Variants in CCDC102B observed in about 807,000 individuals in gnomAD.
CCDC102B encodes the protein coiled-coil domain-containing protein 102B.
A neutral mutation model predicts 57.4 loss-of-function variants in CCDC102B; 75 were observed. The ratio of observed to expected loss-of-function variants is 1.31; its 90% CI spans 1.08 to 1.58. The LOEUF is 1.58. CCDC102B is among the 40% of genes most tolerant of loss of function. The probability of loss-of-function intolerance (pLI) is 0.00; values close to 1 mark genes in which losing one functional copy is unlikely to be tolerated. For synonymous variants in CCDC102B, 206 were observed against 201.9 expected (o/e 1.02, Z -0.17); for missense variants, 636 against 582.6 (o/e 1.09, Z -0.94).
At chr18:68,725,473 C>T (rs953443340) in intron 2 of CCDC102B, among the ~76,000 whole-genome samples, 1 of 152,212 alleles carries the variant, frequency 6.6e-6, no homozygotes, top group African/African-American at 2.4e-5. Flanking sequence ...TTCCAGGCTT[C>T]TAACGTTGCT....
At chr18:68,733,506 ATT>A (rs36101856) in intron 2 of CCDC102B, among the ~76,000 whole-genome samples, 44,443 of 87,280 alleles carry the variant, frequency 0.51, 8,760 homozygotes, top group South Asian at 0.61. Context: ...ATATATATAT[ATT>A]TTTTTAACTT....
chr18:68,968,072 C>G (rs1339160562), intron 6 of CCDC102B, among the ~76,000 whole-genome samples: 1 of 152,146 alleles, frequency 6.6e-6, no homozygotes, highest in South Asian at 2.1e-4. Flanking sequence ...AGAACTAATT[C>G]CAATAATAAT....
intron 6 of CCDC102B, among the ~76,000 whole-genome samples, chr18:68,988,446 C>A (rs978074778): frequency 6.6e-6 from 1 of 151,682 alleles, no homozygotes; most frequent in Non-Finnish European, 1.5e-5. Flanking sequence ...GAGTACTATT[C>A]TCACTACTTC....
intron 1 of CCDC102B, among the ~76,000 whole-genome samples, chr18:68,801,970 C>T (rs1166005045): frequency 6.6e-6 from 1 of 152,062 alleles, no homozygotes; most frequent in Non-Finnish European, 1.5e-5. Flanking sequence ...GGGTTTTGAA[C>T]AAGCGTTTCT....
rs561922856 is a variant in CCDC102B at position 68,802,488 on chromosome 18, G to C, written c.-16+4307G>C. ...TATGTTTTTATATTTTATGTTTTTG[G>C]TATCAGGACTAAATAAATTTGACCT... On this transcript the variant is annotated intron_variant, in intron 1 of 7. Coordinates refer to ENST00000360242, the MANE Select transcript of CCDC102B (RefSeq NM_024781.3). Among the ~76,000 whole-genome samples, 30 of 152,248 alleles carry C rather than the reference G, an allele frequency of 2.0e-4. No individual in the cohort carries two copies. The South Asian group carries it at 6.2e-3, about 32-fold the overall frequency.
At chr18:68,963,487 A>G (rs574314019) in intron 6 of CCDC102B, among the ~76,000 whole-genome samples, 2 of 151,918 alleles carry the variant, frequency 1.3e-5, no homozygotes, top group African/African-American at 4.8e-5. Context: ...TAAATTTAAC[A>G]TATACTTACA....
intron 1 of CCDC102B, among the ~76,000 whole-genome samples, chr18:68,828,261 T>C (rs571428243): frequency 7.3e-6 from 1 of 137,832 alleles, no homozygotes; most frequent in Non-Finnish European, 1.5e-5. Context: ...CACCATACAA[T>C]TGCAGAATAT....
chr18:68,750,666 G>A (rs1187398431), intron 2 of CCDC102B, among the ~76,000 whole-genome samples: 1 of 151,978 alleles, frequency 6.6e-6, no homozygotes, highest in Non-Finnish European at 1.5e-5. Context: ...GATGAAGCTA[G>A]AAACCATCAT....
At chr18:68,959,959 C>T (rs2050004841) in intron 6 of CCDC102B, among the ~76,000 whole-genome samples, 1 of 152,096 alleles carries the variant, frequency 6.6e-6, no homozygotes, top group Admixed American at 6.6e-5. Context: ...TCAGGTACCC[C>T]AGGCACCTAC....
At chr18:68,776,866 C>G (rs937816874) in intron 2 of CCDC102B, among the ~76,000 whole-genome samples, 7 of 152,136 alleles carry the variant, frequency 4.6e-5, no homozygotes, top group African/African-American at 1.7e-4. Context: ...TCTGGTTAGT[C>G]TCAAAGAATT....
chr18:68,728,750 CA>C (rs1018625070), intron 2 of CCDC102B, among the ~76,000 whole-genome samples: 9 of 150,892 alleles, frequency 6.0e-5, no homozygotes, highest in South Asian at 2.1e-4. Flanking sequence ...AAGAGTAAGA[CA>C]AAAAAAATAG....
At chr18:69,050,933 G>C (rs79819013) in intron 7 of CCDC102B, among the ~76,000 whole-genome samples, 1,892 of 152,214 alleles carry the variant, frequency 0.012, 49 homozygotes, top group African/African-American at 0.043. Flanking sequence ...CACTCAGGTT[G>C]GTGTACAGTG....
At chr18:69,051,919 C>G (rs1280421086) in intron 7 of CCDC102B, among the ~76,000 whole-genome samples, 1 of 147,720 alleles carries the variant, frequency 6.8e-6, no homozygotes, top group Non-Finnish European at 1.5e-5. Context: ...AAGTGTAAAA[C>G]ATGAAAAAAA....
intron 6 of CCDC102B, among the ~76,000 whole-genome samples, chr18:68,940,265 A>C (rs1174726751): frequency 6.6e-6 from 1 of 151,868 alleles, no homozygotes; most frequent in East Asian, 1.9e-4. Context: ...AATCGTTTTC[A>C]GATATTAGGC....
intron 2 of CCDC102B, among the ~76,000 whole-genome samples, chr18:68,719,580 A>C (rs9952981): frequency 0.052 from 7,906 of 152,204 alleles, 647 homozygotes; most frequent in African/African-American, 0.17. Flanking sequence ...GCTTTCAATG[A>C]ATTGGATGAT....
chr18:68,810,814 A>T (rs1374834858), intron 1 of CCDC102B, among the ~76,000 whole-genome samples: 1 of 148,404 alleles, frequency 6.7e-6, no homozygotes, highest in Non-Finnish European at 1.5e-5. Context: ...TACATTAGGT[A>T]TTTATCCTAA....
chr18:68,791,507 C>G (rs905206380), intron 2 of CCDC102B, among the ~76,000 whole-genome samples: 3 of 130,192 alleles, frequency 2.3e-5, no homozygotes, highest in African/African-American at 8.5e-5. Flanking sequence ...TTCCTGCAAA[C>G]AAAAATGGGT....
Position 68,890,817 on chromosome 18 carries a change from C to T in CCDC102B, c.1054-6402C>T, listed in dbSNP as rs147927154. On this transcript the variant is annotated intron_variant, in intron 5 of 7. Transcript: ENST00000360242. ...TATGTAGTAACAATAGACTACTACTCCTTTGTATGAATATACTGAGATTTA... is the reference window on the plus strand; with the variant it reads ...TATGTAGTAACAATAGACTACTACTTCTTTGTATGAATATACTGAGATTTA... 2.0e-5 allele frequency among the ~76,000 whole-genome samples: 3 copies of T among 152,136 alleles called. No homozygotes were observed. The East Asian group carries it at 5.8e-4, about 29-fold the overall frequency.
intron 6 of CCDC102B, among the ~76,000 whole-genome samples, chr18:68,901,805 C>T (rs1174187259): frequency 6.6e-6 from 1 of 152,126 alleles, no homozygotes; most frequent in African/African-American, 2.4e-5. Context: ...AGCTCTGACC[C>T]TGAACTGAAT....
Sources: gnomAD v4.1 joint callset for allele counts (sites outside exome capture counted in the v4.1 genomes callset) on GRCh38, gnomAD v4.1.1 for gene constraint, MANE v1.5 for transcripts, NCBI Gene and HGNC (gene_info 2026-07-23, HGNC 2026-07-21) for gene names.